WDR12: variants seen among roughly 807,000 people sequenced by gnomAD.
The protein encoded by WDR12 is ribosome biogenesis protein WDR12.
Under a neutral mutation model 64.3 loss-of-function variants are expected in WDR12, and 42 were observed. The observed-to-expected ratio is 0.65, with a 90% CI of 0.51 to 0.84. The LOEUF (loss-of-function observed/expected upper bound fraction) is 0.84, where lower values mean the gene tolerates loss of function less well. Among genes scored for constraint, WDR12 ranks in the 40% least tolerant of loss-of-function variants. The probability of loss-of-function intolerance (pLI) is 0.00; values close to 1 mark genes in which losing one functional copy is unlikely to be tolerated. For synonymous variants in WDR12, 158 were observed against 173.3 expected, an observed-to-expected ratio of 0.91 and a Z score of 0.70; for missense variants, 469 against 494.6, an observed-to-expected ratio of 0.95 and a Z score of 0.49.
chr2:202,881,311 T>C (rs1687944490), intron 12 of WDR12, among the ~76,000 whole-genome samples: 1 of 152,238 alleles, frequency 6.6e-6, no homozygotes, highest in Non-Finnish European at 1.5e-5. Flanking sequence ...CTAGGCCTTA[T>C]ATTTGGAAAG....
In WDR12 at chr2:202,878,426, T is replaced by A. The variant is rs905169807; in HGVS notation, c.*2434A>T. On this transcript the variant is annotated 3_prime_UTR_variant, in exon 13 of 13. Coordinates refer to ENST00000261015, the MANE Select transcript of WDR12 (RefSeq NM_018256.4). ...ACAAATACAATAAAATTTATACCAA[T>A]CAGCACAAAATGAGAAAAAGAAGGA... 5 of 152,174 alleles carry A rather than the reference T, an allele frequency of 3.3e-5. No homozygotes were observed. The highest frequency in any genetic ancestry group is 1.2e-4 in the African/African-American group (5 of 41,444). The allele number at this position is 152,174 out of a possible 1,614,324, so 9.4% of individuals were successfully genotyped here.
chr2:202,889,463 C>T (rs1204940605), intron 8 of WDR12, among the ~76,000 whole-genome samples: 1 of 150,492 alleles, frequency 6.6e-6, no homozygotes, highest in Admixed American at 6.6e-5. Flanking sequence ...TTTGAGACAG[C>T]TCGGGCAACA....
intron 12 of WDR12, among the ~76,000 whole-genome samples, 181 bp downstream of exon 12, chr2:202,882,530 T>C (rs1167428358): frequency 6.6e-6 from 1 of 152,060 alleles, no homozygotes; most frequent in Non-Finnish European, 1.5e-5. Flanking sequence ...GGGTTCCACC[T>C]TGTTAGTCAG....
chr2:202,904,827 G>A (rs534342701), intron 2 of WDR12, among the ~76,000 whole-genome samples: 2 of 152,204 alleles, frequency 1.3e-5, no homozygotes, highest in South Asian at 2.1e-4. Flanking sequence ...AGACAAATGC[G>A]ATCCCATCAG....
At position 202,875,555 on chromosome 2, in the gene WDR12, A is replaced by T. The variant is rs1450400560; in HGVS notation, c.*5305T>A. 1 of 151,960 alleles carries T rather than the reference A, an allele frequency of 6.6e-6. No homozygotes were observed. The highest frequency in any genetic ancestry group is 1.5e-5 in the Non-Finnish European group (1 of 68,002). The allele number at this position is 151,960 out of a possible 1,614,324, so 9.4% of individuals were successfully genotyped here. A position where few individuals can be genotyped will look rare whatever the true frequency, so the allele number is the denominator to read the frequency against. ...AGGCATGTGCCACTATGACTGGCTA[A>T]TTTTGTATTTTTAGTAGAGACGGGG... On this transcript the variant is annotated 3_prime_UTR_variant, in exon 13 of 13. Coordinates refer to ENST00000261015, the MANE Select transcript of WDR12 (RefSeq NM_018256.4).
intron 8 of WDR12, among the ~76,000 whole-genome samples, chr2:202,887,760 C>T (rs1031553364): frequency 1.3e-5 from 2 of 151,210 alleles, no homozygotes; most frequent in South Asian, 4.2e-4. Flanking sequence ...CGGTGGCGGG[C>T]GCCTGTAGTC....
chr2:202,889,742 C>T (rs568201981), intron 8 of WDR12, among the ~76,000 whole-genome samples: 2 of 151,478 alleles, frequency 1.3e-5, no homozygotes, highest in African/African-American at 4.8e-5. Flanking sequence ...TAACAAGACC[C>T]CATCTCTTTA....
chr2:202,901,636 AT>A (rs1472089550), intron 2 of WDR12, among the ~76,000 whole-genome samples: 1 of 152,176 alleles, frequency 6.6e-6, no homozygotes, highest in African/African-American at 2.4e-5. Flanking sequence ...TCCATACATT[AT>A]ATTTGATTAA....
chr2:202,884,520 G>C lies in WDR12; in HGVS notation c.757C>G (p.Leu253Val), dbSNP rs569477119. 7.4e-6 allele frequency: 12 copies of C among 1,612,762 alleles called. No individual in the cohort carries two copies. The highest frequency in any genetic ancestry group is 1.3e-5 in the African/African-American group (1 of 74,962). ...LGLTRTPIVT[L>V]SGHMEAVSSV... is the part of the protein sequence containing the mutation. ...GAAACTGCCTCCATGTGGCCAGAGA[G>C]GGTCACTATGGGAGTCTAGAAAGGA... The change falls in exon 9 of 13, where the codon CTC becomes GTC. Residue 253 changes from leucine (L) to valine (V), a missense_variant. Transcript: ENST00000261015.
intron 2 of WDR12, among the ~76,000 whole-genome samples, chr2:202,905,733 T>C (rs1404969197): frequency 6.6e-5 from 10 of 152,272 alleles, no homozygotes; most frequent in East Asian, 1.9e-4. Flanking sequence ...ATGGGTAGAA[T>C]TGGAGGTCAT....
At chr2:202,880,993 A>C in intron 12 of WDR12, 56 bp from the exon 13 acceptor site, 1 of 1,407,804 alleles carries the variant, frequency 7.1e-7, no homozygotes, top group Middle Eastern at 2.1e-4. Context: ...ATTATTTCAC[A>C]TCATAGCTAA....
intron 2 of WDR12, among the ~76,000 whole-genome samples, chr2:202,904,925 C>G (rs1688426444): frequency 6.6e-6 from 1 of 152,130 alleles, no homozygotes; most frequent in Non-Finnish European, 1.5e-5. Flanking sequence ...ACCCATCTGA[C>G]AAGGGATTAA....
intron 12 of WDR12, among the ~76,000 whole-genome samples, chr2:202,881,355 T>A (rs1375633434): frequency 6.6e-6 from 1 of 152,210 alleles, no homozygotes; most frequent in African/African-American, 2.4e-5. Context: ...CGTATATACA[T>A]AAAAATAATT....
chr2:202,890,787 T>C (rs974944385), intron 8 of WDR12, among the ~76,000 whole-genome samples: 1 of 139,330 alleles, frequency 7.2e-6, no homozygotes, highest in South Asian at 2.3e-4. Context: ...AAAAAAAAAA[T>C]TTTTTTTTTC....
intron 5 of WDR12, among the ~76,000 whole-genome samples, 173 bp from the exon 6 acceptor site, chr2:202,896,392 A>T (rs570701910): frequency 6.6e-6 from 1 of 152,324 alleles, no homozygotes; most frequent in South Asian, 2.1e-4. Context: ...AAGATTCTTC[A>T]AAAATAGATG....
chr2:202,887,473 A>G (rs1210681842), intron 8 of WDR12, among the ~76,000 whole-genome samples: 1 of 152,226 alleles, frequency 6.6e-6, no homozygotes, highest in African/African-American at 2.4e-5. Flanking sequence ...GAGGTCTCTT[A>G]GCATTTTCCT....
intron 10 of WDR12, 26 bp downstream of exon 10, chr2:202,884,172 T>C (rs1477535333): frequency 3.1e-6 from 5 of 1,591,574 alleles, no homozygotes; most frequent in Non-Finnish European, 4.3e-6. Context: ...CACACATATA[T>C]TCCCCCAGTG....
In WDR12 at chr2:202,896,190, A is replaced by G. The variant is rs755686911; in HGVS notation, c.484T>C (p.Ser162Pro). ...CATAAGAGAATAGTCTGATCCATAG[A>G]AGCACTCAATAATAAGCAGGACAAA... ...DSLSCLLLSA[S>P]MDQTILLWEW... The change falls in exon 6 of 13, where the codon TCT becomes CCT. Residue 162 changes from serine to proline, a missense_variant. Ser to Pro is a moderately conservative substitution (Grantham distance 74). Transcript: ENST00000261015. 6.2e-7 allele frequency: 1 copy of G among 1,614,004 alleles called. No individual in the cohort carries two copies. The highest frequency in any genetic ancestry group is 1.7e-5 in the Admixed American group (1 of 60,008).
At chr2:202,904,279 C>G (rs1473916070) in intron 2 of WDR12, among the ~76,000 whole-genome samples, 2 of 150,776 alleles carry the variant, frequency 1.3e-5, no homozygotes, top group Non-Finnish European at 2.9e-5. Context: ...CCCAAAGCAA[C>G]CTACAGATTC....
Sources: allele counts gnomAD v4.1 joint callset (sites outside exome capture counted in the v4.1 genomes callset), GRCh38; gene constraint gnomAD v4.1.1; transcripts MANE v1.5; gene names NCBI Gene and HGNC (gene_info 2026-07-23, HGNC 2026-07-21).